RBM47: variants seen among roughly 807,000 people sequenced by gnomAD.
RBM47 encodes RNA-binding protein 47.
Under a neutral mutation model 47.1 loss-of-function variants are expected in RBM47, and 21 were observed. The ratio of observed to expected loss-of-function variants is 0.45; its 90% CI spans 0.32 to 0.64. RBM47 has a LOEUF of 0.64. Ranked by LOEUF, RBM47 falls within the 30% of genes least tolerant of loss-of-function variation. The pLI, the probability that RBM47 is intolerant of heterozygous loss-of-function variation, is 0.05. For synonymous variants in RBM47, 375 were observed against 361.7 expected, an observed-to-expected ratio of 1.04 and a Z score of -0.42; for missense variants, 708 against 870.9, an observed-to-expected ratio of 0.81 and a Z score of 2.35.
chr4:40,585,785 C>T (rs898444227), intron 1 of RBM47, among the ~76,000 whole-genome samples: 7 of 152,198 alleles, frequency 4.6e-5, no homozygotes, highest in Non-Finnish European at 4.4e-5. Flanking sequence ...GCACATAGGA[C>T]ACAGCATCTG....
chr4:40,512,621 G>A (rs1468666715), intron 2 of RBM47, among the ~76,000 whole-genome samples: 6 of 143,634 alleles, frequency 4.2e-5, no homozygotes, highest in Non-Finnish European at 7.6e-5. Flanking sequence ...AGGCTGAGGT[G>A]GGAGAATCAC....
At chr4:40,509,678 G>A (rs1019426724) in intron 2 of RBM47, among the ~76,000 whole-genome samples, 4 of 150,028 alleles carry the variant, frequency 2.7e-5, no homozygotes, top group East Asian at 4.0e-4. Context: ...TCAGGAGATC[G>A]AGACCATCCT....
At chr4:40,591,290 C>T (rs1036703143) in intron 1 of RBM47, among the ~76,000 whole-genome samples, 1 of 152,086 alleles carries the variant, frequency 6.6e-6, no homozygotes, top group Non-Finnish European at 1.5e-5. Context: ...ACCATATTGT[C>T]AATCTACTAA....
chr4:40,588,243 C>A (rs1326421590), intron 1 of RBM47, among the ~76,000 whole-genome samples: 1 of 152,198 alleles, frequency 6.6e-6, no homozygotes, highest in African/African-American at 2.4e-5. Context: ...CAGGGTGAGT[C>A]CAGCAGGCTT....
At chr4:40,485,952 T>C (rs756762087) in intron 2 of RBM47, among the ~76,000 whole-genome samples, 2 of 145,400 alleles carry the variant, frequency 1.4e-5, no homozygotes, top group Non-Finnish European at 3.0e-5. Context: ...GCGCCTGTAG[T>C]CCCAACTACT....
intron 2 of RBM47, among the ~76,000 whole-genome samples, chr4:40,477,724 G>A (rs1193661019): frequency 1.3e-5 from 2 of 152,116 alleles, no homozygotes; most frequent in Non-Finnish European, 2.9e-5. Flanking sequence ...TAAGGAGAGA[G>A]CAATTTTTCA....
intron 2 of RBM47, chr4:40,491,677 C>CTGAACAGACA (rs1721886089): frequency 6.4e-6 from 1 of 156,480 alleles, no homozygotes; most frequent in Non-Finnish European, 1.4e-5. Flanking sequence ...GGTAAAGAGT[C>CTGAACAGACA]TGAACAGACA....
chr4:40,625,745 C>A (rs1737680307), intron 1 of RBM47, among the ~76,000 whole-genome samples: 1 of 152,116 alleles, frequency 6.6e-6, no homozygotes, highest in South Asian at 2.1e-4. Context: ...ATATAGCATC[C>A]CCAAAGACAA....
At chr4:40,482,314 C>T (rs1235057697) in intron 2 of RBM47, among the ~76,000 whole-genome samples, 2 of 151,960 alleles carry the variant, frequency 1.3e-5, no homozygotes, top group East Asian at 1.9e-4. Flanking sequence ...AGCACAGTGG[C>T]GCGATCTCAG....
rs557927235 is a variant in RBM47, at chr4:40,516,310, G to A, written c.-155+28112C>T. ...GATTCTCGCTCTGTCACCCAGGCTG[G>A]AGTGCAGTGGCACAATCTCGGCTCA... is the stretch of plus-strand genomic sequence containing the variant. On this transcript the variant is annotated intron_variant, in intron 2 of 6. Coordinates refer to ENST00000295971, the MANE Select transcript of RBM47 (RefSeq NM_001098634.2). Among the ~76,000 whole-genome samples, 15 of 148,872 alleles carry A rather than the reference G, an allele frequency of 1.0e-4. 1 individual carries two copies. Among genetic ancestry groups the A allele is most frequent in the Admixed American group, 7.4e-4 (11 of 14,860 alleles).
Position 40,628,446 on chromosome 4 carries a change from T to C in RBM47, c.-240+950A>G, listed in dbSNP as rs1737935129. On this transcript the variant is annotated intron_variant, in intron 1 of 6. Coordinates refer to ENST00000295971, the MANE Select transcript of RBM47 (RefSeq NM_001098634.2). This position sits in a 1 kb window ranked among gnomAD's most constrained non-coding sequence, Gnocchi z 4.0. ...GTTACGCCGCTGACCACCTTTCACC[T>C]TTTAGAATCGGCACCTGCAATTCTC... 2.6e-5 allele frequency among the ~76,000 whole-genome samples: 4 copies of C among 152,208 alleles called. No individual in the cohort carries two copies. The highest frequency in any genetic ancestry group is 5.9e-5 in the Non-Finnish European group (4 of 68,032).
intron 2 of RBM47, among the ~76,000 whole-genome samples, chr4:40,498,168 G>A (rs183306556): frequency 1.5e-3 from 218 of 150,344 alleles, no homozygotes; most frequent in Non-Finnish European, 2.1e-3. Context: ...TAAAATGATC[G>A]TACTTCACTG....
At chr4:40,538,312 C>T (rs936962074) in intron 2 of RBM47, among the ~76,000 whole-genome samples, 4 of 149,154 alleles carry the variant, frequency 2.7e-5, no homozygotes, top group Non-Finnish European at 4.4e-5. Context: ...AGGTAGGATG[C>T]TCTTTTATTG....
At chr4:40,551,315 T>C (rs1391010844) in intron 1 of RBM47, among the ~76,000 whole-genome samples, 1 of 152,212 alleles carries the variant, frequency 6.6e-6, no homozygotes, top group South Asian at 2.1e-4. Flanking sequence ...GGCCCTTTAG[T>C]ACATACTTTC....
chr4:40,568,397 G>A (rs1409569192), intron 1 of RBM47, among the ~76,000 whole-genome samples: 1 of 128,848 alleles, frequency 7.8e-6, no homozygotes, highest in Non-Finnish European at 1.6e-5. Context: ...TCACAGCCCT[G>A]CAGCCTAGGT....
At chr4:40,507,403 A>C (rs1352669416) in intron 2 of RBM47, among the ~76,000 whole-genome samples, 1 of 152,250 alleles carries the variant, frequency 6.6e-6, no homozygotes, top group African/African-American at 2.4e-5. Flanking sequence ...GATCTTAAAA[A>C]AAAATTCAAA....
At chr4:40,476,644 T>G (rs940463291) in intron 2 of RBM47, among the ~76,000 whole-genome samples, 1 of 152,072 alleles carries the variant, frequency 6.6e-6, no homozygotes, top group Non-Finnish European at 1.5e-5. Flanking sequence ...GGATGGAACC[T>G]CATCGAAAGT....
intron 2 of RBM47, among the ~76,000 whole-genome samples, chr4:40,519,807 C>T (rs1726019850): frequency 6.6e-6 from 1 of 151,760 alleles, no homozygotes. Flanking sequence ...GTAGATGGGA[C>T]AACAGGCGCC....
chr4:40,606,142 G>T (rs1185044920), intron 1 of RBM47, among the ~76,000 whole-genome samples: 1 of 150,888 alleles, frequency 6.6e-6, no homozygotes, highest in African/African-American at 2.4e-5. Flanking sequence ...AGGTTGCAGT[G>T]AGCCAAGATC....
Sources: allele counts gnomAD v4.1 joint callset (sites outside exome capture counted in the v4.1 genomes callset), GRCh38; gene constraint gnomAD v4.1.1; non-coding constraint Gnocchi (gnomAD v3.1); transcripts MANE v1.5; gene names NCBI Gene and HGNC (gene_info 2026-07-23, HGNC 2026-07-21).